NCKAP5: variants seen among roughly 807,000 people sequenced by gnomAD.
NCKAP5 encodes nck-associated protein 5.
NCKAP5 carries 92 observed loss-of-function variants against 167.0 expected under a neutral mutation model. The observed-to-expected ratio is 0.55, with a 90% confidence interval of 0.47 to 0.66. The LOEUF (loss-of-function observed/expected upper bound fraction) is 0.66, where lower values mean the gene tolerates loss of function less well. Ranked by LOEUF, NCKAP5 falls within the 30% of genes least tolerant of loss-of-function variation. NCKAP5 has a pLI of 0.00. For synonymous variants in NCKAP5, 891 were observed against 877.4 expected, an observed-to-expected ratio of 1.02 and a Z score of -0.27; for missense variants, 2,378 against 2,315.0, an observed-to-expected ratio of 1.03 and a Z score of -0.56.
intron 7 of NCKAP5, among the ~76,000 whole-genome samples, chr2:132,987,499 G>A (rs1315548754): frequency 6.6e-6 from 1 of 152,054 alleles, no homozygotes; most frequent in Non-Finnish European, 1.5e-5. Context: ...AATTATTTAA[G>A]GAAAAAGTAA....
At chr2:133,629,720 G>A in the NCKAP5 span, among the ~76,000 whole-genome samples, 1 of 152,214 alleles carries the variant, frequency 6.6e-6, no homozygotes, top group East Asian at 1.9e-4. Flanking sequence ...CAAAGACATG[G>A]AATCAACCCA....
chr2:133,524,432 CT>C (rs1359294309), intron 2 of NCKAP5, among the ~76,000 whole-genome samples: 1 of 152,180 alleles, frequency 6.6e-6, no homozygotes, highest in African/African-American at 2.4e-5. Context: ...GCTGATCCTT[CT>C]TTTCATTAAG....
At chr2:132,779,651 G>C (rs1466497185) in intron 15 of NCKAP5, among the ~76,000 whole-genome samples, 1 of 151,044 alleles carries the variant, frequency 6.6e-6, no homozygotes, top group Non-Finnish European at 1.5e-5. Flanking sequence ...TATAATTTTG[G>C]AGAGTTTGTA....
At chr2:133,462,194 G>A (rs1335018760) in intron 3 of NCKAP5, among the ~76,000 whole-genome samples, 1 of 152,190 alleles carries the variant, frequency 6.6e-6, no homozygotes, top group Non-Finnish European at 1.5e-5. Context: ...AGGCAGTACA[G>A]TCAATTCCAG....
chr2:133,078,501 T>C lies in NCKAP5; in HGVS notation c.341+51477A>G, dbSNP rs183133223. ...CATGGGGAGATTCCCCCAGGACCTC[T>C]GCTGCTGGATGGTGAGTTGGGGAGG... On this transcript the variant is annotated intron_variant, in intron 6 of 19. Transcript: ENST00000409261. 2.0e-5 allele frequency among the ~76,000 whole-genome samples: 3 copies of C among 152,232 alleles called. No homozygotes were observed. In the East Asian group the frequency reaches 5.8e-4, roughly 29 times the overall value.
chr2:132,754,631 G>C (rs1680383664), intron 16 of NCKAP5, among the ~76,000 whole-genome samples: 1 of 152,234 alleles, frequency 6.6e-6, no homozygotes. Flanking sequence ...CAATGGCTCT[G>C]CATGCCATCT....
intron 19 of NCKAP5, among the ~76,000 whole-genome samples, chr2:132,712,079 C>G (rs1310556421): frequency 6.6e-6 from 1 of 152,180 alleles, no homozygotes; most frequent in African/African-American, 2.4e-5. Context: ...CTGGCACACA[C>G]AGATCACACC....
intron 2 of NCKAP5, among the ~76,000 whole-genome samples, chr2:133,557,734 C>T (rs746354163): frequency 6.6e-6 from 1 of 152,198 alleles, no homozygotes; most frequent in African/African-American, 2.4e-5. Flanking sequence ...CAAGGGTGAT[C>T]CTTTAACATC....
At chr2:133,668,413 A>G in the NCKAP5 span, among the ~76,000 whole-genome samples, 21 of 152,066 alleles carry the variant, frequency 1.4e-4, 1 homozygote, top group African/African-American at 4.4e-4. Context: ...CCAGCAATAT[A>G]TGAAGGTTCT....
At chr2:132,854,500 TC>T (rs1423453582) in intron 11 of NCKAP5, among the ~76,000 whole-genome samples, 1 of 152,182 alleles carries the variant, frequency 6.6e-6, no homozygotes, top group African/African-American at 2.4e-5. Context: ...GAAGAGAATT[TC>T]TCATGCCTTT....
chr2:133,483,101 C>G (rs1680598388), intron 3 of NCKAP5, among the ~76,000 whole-genome samples: 1 of 152,090 alleles, frequency 6.6e-6, no homozygotes, highest in Non-Finnish European at 1.5e-5. Context: ...TAGCTATTGT[C>G]CTTCTTCTTA....
intron 6 of NCKAP5, among the ~76,000 whole-genome samples, chr2:133,039,787 G>T (rs1172933237): frequency 6.6e-6 from 1 of 152,122 alleles, no homozygotes; most frequent in East Asian, 1.9e-4. Flanking sequence ...AAGCAATTCT[G>T]CTGTAGGTGG....
At chr2:132,814,491 C>T (rs1007690936) in intron 11 of NCKAP5, among the ~76,000 whole-genome samples, 4 of 152,126 alleles carry the variant, frequency 2.6e-5, no homozygotes, top group Non-Finnish European at 4.4e-5. Context: ...CATTTCTTGG[C>T]AAATGGCAGT....
intron 11 of NCKAP5, among the ~76,000 whole-genome samples, chr2:132,803,211 AT>A (rs968266187): frequency 1.3e-5 from 2 of 152,226 alleles, no homozygotes; most frequent in African/African-American, 4.8e-5. Context: ...CTTTAAAAAA[AT>A]ATGTCCATCA....
intron 1 of NCKAP5, among the ~76,000 whole-genome samples, chr2:133,562,446 T>C (rs1217487613): frequency 1.3e-5 from 2 of 152,224 alleles, no homozygotes; most frequent in Non-Finnish European, 2.9e-5. Flanking sequence ...CCTTTTGGGC[T>C]GGCCTGGATC....
chr2:133,280,628 C>G (rs1427763208), intron 4 of NCKAP5, among the ~76,000 whole-genome samples: 2 of 152,114 alleles, frequency 1.3e-5, no homozygotes, highest in South Asian at 2.1e-4. Context: ...TTAGATCCTT[C>G]TTATTTACTT....
chr2:132,889,070 A>G (rs1692471383), intron 8 of NCKAP5, among the ~76,000 whole-genome samples: 1 of 152,160 alleles, frequency 6.6e-6, no homozygotes. Context: ...GAGGTGGTAT[A>G]AAGCCCCAGC....
At chr2:133,043,611 A>G (rs2079289076) in intron 6 of NCKAP5, among the ~76,000 whole-genome samples, 1 of 152,200 alleles carries the variant, frequency 6.6e-6, no homozygotes, top group South Asian at 2.1e-4. Context: ...GGTCACATGC[A>G]GCCCAAGGGC....
At chr2:133,345,644 G>T (rs1683920168) in intron 3 of NCKAP5, among the ~76,000 whole-genome samples, 1 of 152,174 alleles carries the variant, frequency 6.6e-6, no homozygotes, top group African/African-American at 2.4e-5. Context: ...GGTGGTGATG[G>T]AACCAAAGAG....
Sources: gnomAD v4.1 joint callset for allele counts (sites outside exome capture counted in the v4.1 genomes callset) on GRCh38, gnomAD v4.1.1 for gene constraint, MANE v1.5 for transcripts, NCBI Gene and HGNC (gene_info 2026-07-23, HGNC 2026-07-21) for gene names.